IWS1: variants seen among roughly 807,000 people sequenced by gnomAD.
IWS1 encodes interacts with SUPT6H, CTD assembly factor 1.
In IWS1, 27 loss-of-function variants were observed where a neutral mutation model predicts 86.7. That is an observed-to-expected ratio of 0.31 (90% CI 0.23 to 0.43). IWS1 has a LOEUF of 0.43. Ranked by LOEUF, IWS1 falls within the 20% of genes least tolerant of loss-of-function variation. IWS1 has a pLI of 1.00. For synonymous variants in IWS1, 313 were observed against 335.1 expected, an observed-to-expected ratio of 0.93 and a Z score of 0.72; for missense variants, 827 against 1,000.8, an observed-to-expected ratio of 0.83 and a Z score of 2.34.
chr2:127,510,937 C>T (rs1691415946), intron 2 of IWS1, among the ~76,000 whole-genome samples: 1 of 152,168 alleles, frequency 6.6e-6, no homozygotes, highest in Non-Finnish European at 1.5e-5. Context: ...GATATTAATT[C>T]AGTGTATCTG....
chr2:127,517,308 G>T (rs1225175471), intron 2 of IWS1, among the ~76,000 whole-genome samples: 1 of 152,070 alleles, frequency 6.6e-6, no homozygotes, highest in East Asian at 1.9e-4. Flanking sequence ...TCTTGAAAAA[G>T]AACAAATTAG....
chr2:127,514,498 G>A (rs894823258), intron 2 of IWS1: 6 of 153,052 alleles, frequency 3.9e-5, no homozygotes, highest in African/African-American at 9.6e-5. Flanking sequence ...CCCAGACCTC[G>A]AGACTCTCCA....
At chr2:127,500,407 A>G (rs949686763) in intron 5 of IWS1, among the ~76,000 whole-genome samples, 1 of 152,114 alleles carries the variant, frequency 6.6e-6, no homozygotes, top group African/African-American at 2.4e-5. Context: ...AAGTGTGCAT[A>G]TATCTATAAA....
At chr2:127,520,912 T>C (rs148396792) in intron 2 of IWS1, among the ~76,000 whole-genome samples, 1 of 152,344 alleles carries the variant, frequency 6.6e-6, no homozygotes, top group African/African-American at 2.4e-5. Flanking sequence ...TTATTGAGAA[T>C]CTTTAATGAC....
intron 2 of IWS1, among the ~76,000 whole-genome samples, chr2:127,507,298 T>A (rs1195028070): frequency 4.6e-5 from 7 of 152,172 alleles, no homozygotes; most frequent in Non-Finnish European, 8.8e-5. Flanking sequence ...ACAAAGCCAA[T>A]GTTTGAAGAG....
At chr2:127,494,063 T>C (rs1046641584) in intron 8 of IWS1, among the ~76,000 whole-genome samples, 1 of 151,674 alleles carries the variant, frequency 6.6e-6, no homozygotes, top group African/African-American at 2.4e-5. Flanking sequence ...AAGTAGGCTG[T>C]GGCTTAGTTC....
intron 2 of IWS1, among the ~76,000 whole-genome samples, chr2:127,507,187 T>C (rs1691190987): frequency 1.3e-5 from 2 of 152,286 alleles, no homozygotes; most frequent in South Asian, 4.1e-4. Flanking sequence ...AATGACAAGA[T>C]AAATGGCTTG....
At chr2:127,510,641 C>T (rs1031845293) in intron 2 of IWS1, among the ~76,000 whole-genome samples, 5 of 151,992 alleles carry the variant, frequency 3.3e-5, no homozygotes, top group South Asian at 2.1e-4. Flanking sequence ...TACAAGCACA[C>T]GCCACCACGT....
intron 13 of IWS1, among the ~76,000 whole-genome samples, chr2:127,484,209 G>C (rs1415915898): frequency 6.6e-6 from 1 of 152,188 alleles, no homozygotes; most frequent in East Asian, 1.9e-4. Flanking sequence ...CTACTCAGGA[G>C]GCTGAGGCGG....
chr2:127,523,475 CAG>C (rs1488620203), intron 2 of IWS1, among the ~76,000 whole-genome samples, 199 bp downstream of exon 2: 1 of 152,196 alleles, frequency 6.6e-6, no homozygotes, highest in Non-Finnish European at 1.5e-5. Flanking sequence ...GTGACCCAAT[CAG>C]AACATATTTC....
intron 4 of IWS1, 76 bp from the exon 5 acceptor site, chr2:127,502,948 AATTT>A (rs1164579121): frequency 3.6e-6 from 3 of 834,154 alleles, no homozygotes; most frequent in Non-Finnish European, 4.0e-6. Context: ...TAAAAAATAG[AATTT>A]ATGTACAGTA....
chr2:127,523,609 CTATAA>C (rs757963216), intron 2 of IWS1, 62 bp downstream of exon 2: 25 of 1,012,086 alleles, frequency 2.5e-5, no homozygotes, highest in Non-Finnish European at 3.2e-5. Flanking sequence ...TCTGTAACTC[CTATAA>C]TATAACAGAT....
intron 2 of IWS1, among the ~76,000 whole-genome samples, chr2:127,521,811 CACTT>C (rs1231558960): frequency 6.6e-6 from 1 of 152,152 alleles, no homozygotes; most frequent in Non-Finnish European, 1.5e-5. Flanking sequence ...AAAACAGCCA[CACTT>C]ATTTATTTAG....
chr2:127,481,045 C>G lies in IWS1; in HGVS notation c.2459G>C (p.Ter820SerextTer25), dbSNP rs1286807200. 1 of 1,607,150 alleles carries G rather than the reference C, an allele frequency of 6.2e-7. No individual in the cohort carries two copies. The highest frequency in any genetic ancestry group is 1.3e-5 in the African/African-American group (1 of 74,366). ...ISIEGNKMPL[*>S] ...GATGGGGACACATTCCAGGCAAGGT[C>G]ACAATGGCATTTTGTTGCCCTCAAT... is the stretch of plus-strand genomic sequence containing the variant. Residue 820 changes from the stop codon to serine, a stop_lost, in exon 14 of 14, where the codon TGA becomes TCA. Coordinates refer to ENST00000295321, the MANE Select transcript of IWS1 (RefSeq NM_017969.3).
Position 127,526,250 on chromosome 2 carries a change from G to A in IWS1, c.-42C>T, listed in dbSNP as rs760249815. On this transcript the variant is annotated 5_prime_UTR_variant, in exon 1 of 14. Coordinates refer to ENST00000295321, the MANE Select transcript of IWS1 (RefSeq NM_017969.3). Reference sequence around the variant, plus strand: ...GCGGGGAGTGTCCGCGCCCCGCGCCGCCCCCGTCACCTCCTTCCAGGCGGT... The same window carrying A: ...GCGGGGAGTGTCCGCGCCCCGCGCCACCCCCGTCACCTCCTTCCAGGCGGT... The A allele has an allele frequency of 9.8e-5, 152 of 1,549,866 alleles. 1 individual carries two copies. The highest frequency in any genetic ancestry group is 6.7e-4 in the Middle Eastern group (4 of 5,984).
rs1261272028 is a variant in IWS1 at position 127,523,771 on chromosome 2, C to T, written c.55G>A (p.Val19Ile). 2.5e-6 allele frequency: 4 copies of T among 1,613,062 alleles called. No homozygotes were observed. Among genetic ancestry groups the T allele is most frequent in the Non-Finnish European group, 3.4e-6 (4 of 1,179,636 alleles). Residue 19 changes from valine (V) to isoleucine (I), a missense_variant, in exon 2 of 14, where the codon GTA (valine) becomes ATA (isoleucine). Val to Ile is a conservative substitution (Grantham distance 29). Transcript: ENST00000295321. The stretch of plus-strand genomic sequence containing the variant: ...GACCCTGAATCCCGTTCATCCTGTA[C>T]TGGGGTAGCACCACCATCATCTGAT... ...DQSDDGGATP[V>I]QDERDSGSDG...
At chr2:127,518,815 C>T (rs1412879054) in intron 2 of IWS1, among the ~76,000 whole-genome samples, 1 of 152,032 alleles carries the variant, frequency 6.6e-6, no homozygotes, top group African/African-American at 2.4e-5. Flanking sequence ...GGGGATCCAC[C>T]CACCTCGGCC....
chr2:127,510,750 C>T (rs1691405371), intron 2 of IWS1, among the ~76,000 whole-genome samples: 1 of 151,984 alleles, frequency 6.6e-6, no homozygotes, highest in Non-Finnish European at 1.5e-5. Context: ...GCCTCCCAAC[C>T]AAGTTTAAGA....
intron 7 of IWS1, 124 bp downstream of exon 7, chr2:127,495,874 T>TA (rs2104678604): frequency 2.3e-6 from 2 of 852,710 alleles, no homozygotes; most frequent in East Asian, 5.7e-5. Context: ...TTGAGAACAG[T>TA]AAATGCTTTA....
Sources: gnomAD v4.1 joint callset for allele counts (sites outside exome capture counted in the v4.1 genomes callset) on GRCh38, gnomAD v4.1.1 for gene constraint, MANE v1.5 for transcripts, NCBI Gene and HGNC (gene_info 2026-07-23, HGNC 2026-07-21) for gene names.